Variants in ATRNL1 observed in about 807,000 individuals in gnomAD.
ATRNL1 encodes the protein attractin like 1, also known as attractin-like protein 1.
ATRNL1 carries 95 observed loss-of-function variants against 182.7 expected under a neutral mutation model. The ratio of observed to expected loss-of-function variants is 0.52; its 90% CI spans 0.44 to 0.62. ATRNL1 has a LOEUF of 0.62. Among genes scored for constraint, ATRNL1 ranks in the 20% least tolerant of loss-of-function variants. The pLI, the probability that ATRNL1 is intolerant of heterozygous loss-of-function variation, is 0.00. For synonymous variants in ATRNL1, 576 were observed against 568.3 expected (o/e 1.01, Z -0.19); for missense variants, 1,471 against 1,679.5 (o/e 0.88, Z 2.17).
intron 26 of ATRNL1, among the ~76,000 whole-genome samples, chr10:115,558,065 CA>C (rs113014620): frequency 0.016 from 2,276 of 144,644 alleles, 53 homozygotes; most frequent in African/African-American, 0.053. Flanking sequence ...AACAAAAAAA[CA>C]AAAAAAAAAA....
intron 13 of ATRNL1, among the ~76,000 whole-genome samples, 166 bp downstream of exon 13, chr10:115,268,610 G>C (rs1332138594): frequency 6.6e-6 from 1 of 152,224 alleles, no homozygotes; most frequent in Non-Finnish European, 1.5e-5. Context: ...AAGTTAGATT[G>C]GTTTGTTGTT....
intron 17 of ATRNL1, among the ~76,000 whole-genome samples, chr10:115,307,537 C>T (rs376805780): frequency 3.3e-5 from 5 of 152,278 alleles, no homozygotes; most frequent in Non-Finnish European, 5.9e-5. Flanking sequence ...GCTGGGATTA[C>T]AGGTGTGAGC....
chr10:115,215,487 C>G (rs1849192668), intron 8 of ATRNL1, among the ~76,000 whole-genome samples: 1 of 152,098 alleles, frequency 6.6e-6, no homozygotes, highest in South Asian at 2.1e-4. Flanking sequence ...TTAACTTCAT[C>G]TATGGAAAGA....
At chr10:115,648,330 C>G (rs1555033290) in intron 26 of ATRNL1, among the ~76,000 whole-genome samples, 1 of 152,172 alleles carries the variant, frequency 6.6e-6, no homozygotes, top group Non-Finnish European at 1.5e-5. Flanking sequence ...AAGGAAGATT[C>G]CATGCTCATG....
intron 18 of ATRNL1, among the ~76,000 whole-genome samples, chr10:115,317,267 T>G (rs1554929962): frequency 6.6e-6 from 1 of 151,176 alleles, no homozygotes; most frequent in Non-Finnish European, 1.5e-5. Flanking sequence ...TCTGTTCCAT[T>G]GGTCTACATC....
At chr10:115,727,124 G>A in intron 26 of ATRNL1, 124 bp from the exon 27 acceptor site, 1 of 669,270 alleles carries the variant, frequency 1.5e-6, no homozygotes, top group South Asian at 1.8e-5. Flanking sequence ...TTCTAGATAT[G>A]GATATCTGTA....
At chr10:115,116,025 G>A (rs1592120717) in intron 1 of ATRNL1, among the ~76,000 whole-genome samples, 2 of 152,074 alleles carry the variant, frequency 1.3e-5, no homozygotes, top group East Asian at 3.9e-4. Context: ...ATCTAGACAA[G>A]TGATTGGCAA....
intron 21 of ATRNL1, among the ~76,000 whole-genome samples, chr10:115,456,587 A>G (rs192810031): frequency 1.3e-5 from 2 of 152,298 alleles, no homozygotes; most frequent in Admixed American, 6.5e-5. Flanking sequence ...TACCTATGTT[A>G]CAAACCTGCA....
chr10:115,463,774 T>C (rs1826398238), intron 22 of ATRNL1, among the ~76,000 whole-genome samples: 2 of 152,096 alleles, frequency 1.3e-5, no homozygotes, highest in South Asian at 4.1e-4. Flanking sequence ...TTATCTGGCT[T>C]ATTTCATTTA....
chr10:115,196,726 A>T (rs987952160), intron 8 of ATRNL1, among the ~76,000 whole-genome samples: 1 of 152,112 alleles, frequency 6.6e-6, no homozygotes, highest in Admixed American at 6.6e-5. Flanking sequence ...TTGCTAGTCT[A>T]TGTAAAAATT....
intron 21 of ATRNL1, among the ~76,000 whole-genome samples, chr10:115,447,354 C>G (rs1847052320): frequency 6.6e-6 from 1 of 151,386 alleles, no homozygotes; most frequent in Non-Finnish European, 1.5e-5. Context: ...GATAGAGCCA[C>G]CAAACTGTAT....
chr10:115,132,303 G>A (rs1401952571), intron 5 of ATRNL1, among the ~76,000 whole-genome samples: 1 of 152,080 alleles, frequency 6.6e-6, no homozygotes, highest in Non-Finnish European at 1.5e-5. Context: ...GTGTATTTGT[G>A]CCACATTTTC....
rs377509434 is a variant in ATRNL1, at chr10:115,705,034, TG to T, written c.3796-22212del. Among the ~76,000 whole-genome samples, 73 of 152,034 alleles carry T rather than the reference TG, an allele frequency of 4.8e-4. No homozygotes were observed. In the South Asian group the frequency reaches 9.5e-3, roughly 20 times the overall value. On this transcript the variant is annotated intron_variant, in intron 26 of 28. Transcript: ENST00000355044. ...CCTCTTTTGCTTCCATGGCTGCATG[TG>T]GATTTCTCTTTCATTGCTTATTTGA...
intron 18 of ATRNL1, among the ~76,000 whole-genome samples, chr10:115,331,097 T>A (rs1855194906): frequency 6.6e-6 from 1 of 152,118 alleles, no homozygotes; most frequent in East Asian, 1.9e-4. Context: ...TCTTGCTCTG[T>A]TGCCTAGGCT....
At chr10:115,530,931 A>T (rs1182004382) in intron 25 of ATRNL1, among the ~76,000 whole-genome samples, 2 of 151,656 alleles carry the variant, frequency 1.3e-5, no homozygotes, top group Non-Finnish European at 2.9e-5. Context: ...TTCCAATTTC[A>T]TCCATGTCCC....
chr10:115,869,710 C>T (rs767479890), intron 28 of ATRNL1, among the ~76,000 whole-genome samples: 1 of 151,834 alleles, frequency 6.6e-6, no homozygotes, highest in Non-Finnish European at 1.5e-5. Flanking sequence ...CTTACAACCC[C>T]GAGATAACCA....
intron 26 of ATRNL1, among the ~76,000 whole-genome samples, chr10:115,655,540 G>C (rs939802953): frequency 1.3e-5 from 2 of 152,088 alleles, no homozygotes; most frequent in South Asian, 2.1e-4. Flanking sequence ...TACTTCTTTT[G>C]AATTTTGTAA....
intron 24 of ATRNL1, among the ~76,000 whole-genome samples, chr10:115,485,810 G>C (rs974005789): frequency 3.3e-5 from 5 of 151,894 alleles, no homozygotes; most frequent in Middle Eastern, 3.4e-3. Context: ...TTGTTACATA[G>C]GTATACACGT....
At chr10:115,141,555 C>G (rs116462575) in intron 5 of ATRNL1, among the ~76,000 whole-genome samples, 1 of 152,086 alleles carries the variant, frequency 6.6e-6, no homozygotes, top group Admixed American at 6.5e-5. Flanking sequence ...ACTTTCAACT[C>G]AAACTCATGA....
Sources: allele counts gnomAD v4.1 joint callset (sites outside exome capture counted in the v4.1 genomes callset), GRCh38; gene constraint gnomAD v4.1.1; transcripts MANE v1.5; gene names NCBI Gene and HGNC (gene_info 2026-07-23, HGNC 2026-07-21).